SLC24A3: variants seen among roughly 807,000 people sequenced by gnomAD.
SLC24A3 encodes sodium/potassium/calcium exchanger 3.
SLC24A3 carries 28 observed loss-of-function variants against 75.8 expected under a neutral mutation model. That is an observed-to-expected ratio of 0.37 (90% CI 0.27 to 0.51). SLC24A3 has a LOEUF of 0.51. Ranked by LOEUF, SLC24A3 falls within the 20% of genes least tolerant of loss-of-function variation. The pLI, the probability that SLC24A3 is intolerant of heterozygous loss-of-function variation, is 0.94. For missense variants in SLC24A3, 663 were observed against 847.8 expected, an observed-to-expected ratio of 0.78 and a Z score of 2.71; for synonymous variants, 372 against 334.1, an observed-to-expected ratio of 1.11 and a Z score of -1.24.
At chr20:19,658,969 G>T (rs34272130) in intron 7 of SLC24A3, among the ~76,000 whole-genome samples, 2 of 152,182 alleles carry the variant, frequency 1.3e-5, no homozygotes, top group African/African-American at 4.8e-5. Context: ...ACATAATGAG[G>T]TAATTTACAT....
intron 2 of SLC24A3, among the ~76,000 whole-genome samples, chr20:19,287,748 C>T (rs759905218): frequency 1.3e-5 from 2 of 152,174 alleles, no homozygotes; most frequent in Non-Finnish European, 2.9e-5. Context: ...TAAAAGAACC[C>T]TGCGGAAAAT....
At chr20:19,520,701 G>C (rs1021362302) in intron 3 of SLC24A3, among the ~76,000 whole-genome samples, 2 of 151,420 alleles carry the variant, frequency 1.3e-5, no homozygotes, top group Admixed American at 6.6e-5. Context: ...CCCAGGGCAT[G>C]ATCTCAAGGT....
chr20:19,718,109 T>C (rs527873467), intron 16 of SLC24A3, among the ~76,000 whole-genome samples: 117 of 152,366 alleles, frequency 7.7e-4, no homozygotes, highest in Middle Eastern at 3.4e-3. Flanking sequence ...GAAGCATCCA[T>C]TAACATACAA....
At chr20:19,637,821 T>C (rs2032019404) in intron 6 of SLC24A3, among the ~76,000 whole-genome samples, 1 of 152,194 alleles carries the variant, frequency 6.6e-6, no homozygotes, top group Non-Finnish European at 1.5e-5. Context: ...AATCGAGAGA[T>C]ACTCCCGAAA....
intron 2 of SLC24A3, among the ~76,000 whole-genome samples, chr20:19,326,079 A>T (rs1211219090): frequency 2.0e-5 from 3 of 151,782 alleles, no homozygotes; most frequent in Non-Finnish European, 2.9e-5. Flanking sequence ...GTATTTTAGG[A>T]TTAGGGATGT....
At chr20:19,366,991 TG>T (rs1296197734) in intron 2 of SLC24A3, among the ~76,000 whole-genome samples, 1 of 152,194 alleles carries the variant, frequency 6.6e-6, no homozygotes. Context: ...TGGCCAGCCC[TG>T]ATATCCAAAA....
chr20:19,371,481 A>G (rs527737755), intron 2 of SLC24A3, among the ~76,000 whole-genome samples: 58 of 152,288 alleles, frequency 3.8e-4, no homozygotes, highest in African/African-American at 1.3e-3. Flanking sequence ...CTGGCCTTGG[A>G]CTAGGATCAC....
rs114094250 is a variant in SLC24A3, at chr20:19,347,694, G to A, written c.271+66607G>A. ...AGTTCTGTTTGAAAGACAAAAGGGC[G>A]ACATTATAGAAATGGAAAATACTGT... On this transcript the variant is annotated intron_variant, in intron 2 of 16. Transcript: ENST00000328041. Among the ~76,000 whole-genome samples the A allele has an allele frequency of 2.4e-3, 358 of 152,288 alleles. 1 individual carries two copies. Among genetic ancestry groups the A allele is most frequent in the African/African-American group, 8.0e-3 (331 of 41,554 alleles).
intron 2 of SLC24A3, among the ~76,000 whole-genome samples, chr20:19,294,153 T>G (rs917044341): frequency 6.6e-6 from 1 of 151,338 alleles, no homozygotes; most frequent in Non-Finnish European, 1.5e-5. Context: ...CTTTGTGGAA[T>G]TTTTTTTCCA....
At chr20:19,700,834 T>C (rs561935717) in intron 15 of SLC24A3, among the ~76,000 whole-genome samples, 4 of 152,338 alleles carry the variant, frequency 2.6e-5, no homozygotes, top group East Asian at 3.9e-4. Context: ...GACACTTATG[T>C]TGATTCAAAC....
At chr20:19,469,002 G>A (rs2122504417) in intron 2 of SLC24A3, among the ~76,000 whole-genome samples, 1 of 152,250 alleles carries the variant, frequency 6.6e-6, no homozygotes, top group Non-Finnish European at 1.5e-5. Flanking sequence ...TCAGAGAGAT[G>A]GATACTTAAC....
At chr20:19,325,791 TATATAGAG>T (rs1252179386) in intron 2 of SLC24A3, among the ~76,000 whole-genome samples, 70 of 89,408 alleles carry the variant, frequency 7.8e-4, no homozygotes, top group East Asian at 2.7e-3. Flanking sequence ...TATATATATA[TATATAGAG>T]AGAGAGAGAG....
chr20:19,356,222 A>G (rs73286679), intron 2 of SLC24A3, among the ~76,000 whole-genome samples: 3,168 of 152,354 alleles, frequency 0.021, 40 homozygotes, highest in East Asian at 0.035. Flanking sequence ...TCATTCACCT[A>G]AGACATAAAC....
At chr20:19,294,661 C>A (rs564694037) in intron 2 of SLC24A3, among the ~76,000 whole-genome samples, 8 of 152,238 alleles carry the variant, frequency 5.3e-5, no homozygotes, top group Non-Finnish European at 8.8e-5. Flanking sequence ...GCATATGTAC[C>A]ACATTTTCTT....
chr20:19,328,040 C>A (rs192242671), intron 2 of SLC24A3, among the ~76,000 whole-genome samples: 1 of 152,080 alleles, frequency 6.6e-6, no homozygotes, highest in Admixed American at 6.5e-5. Context: ...GGAGGGCTTG[C>A]TTTTTAAGGC....
chr20:19,619,793 T>C (rs1340043504), intron 6 of SLC24A3, among the ~76,000 whole-genome samples: 1 of 152,178 alleles, frequency 6.6e-6, no homozygotes, highest in African/African-American at 2.4e-5. Context: ...TGTTTGTTGG[T>C]GAATGACAGC....
intron 6 of SLC24A3, among the ~76,000 whole-genome samples, chr20:19,602,741 C>T (rs909442736): frequency 1.3e-5 from 2 of 152,182 alleles, no homozygotes; most frequent in African/African-American, 4.8e-5. Flanking sequence ...TACATGAAAT[C>T]CCTGCTTATG....
intron 7 of SLC24A3, among the ~76,000 whole-genome samples, chr20:19,665,437 A>T (rs542262790): frequency 6.6e-6 from 1 of 152,370 alleles, no homozygotes; most frequent in Admixed American, 6.5e-5. Context: ...AAAACTGAAG[A>T]TGCACAGACA....
At chr20:19,633,429 C>A (rs1261165672) in intron 6 of SLC24A3, among the ~76,000 whole-genome samples, 1 of 151,926 alleles carries the variant, frequency 6.6e-6, no homozygotes, top group Admixed American at 6.6e-5. Context: ...GCGGGCGGAT[C>A]ACGAGGTCAG....
Sources: gnomAD v4.1 joint callset for allele counts (sites outside exome capture counted in the v4.1 genomes callset) on GRCh38, gnomAD v4.1.1 for gene constraint, MANE v1.5 for transcripts, NCBI Gene and HGNC (gene_info 2026-07-23, HGNC 2026-07-21) for gene names.